OPCML: variants seen among roughly 807,000 people sequenced by gnomAD.
OPCML encodes the protein opioid-binding protein/cell adhesion molecule.
Under a neutral mutation model 37.8 loss-of-function variants are expected in OPCML, and 13 were observed. That is an observed-to-expected ratio of 0.34 (90% confidence interval 0.22 to 0.55). The LOEUF (loss-of-function observed/expected upper bound fraction) is 0.55. Ranked by LOEUF, OPCML falls within the 20% of genes least tolerant of loss-of-function variation. The probability of loss-of-function intolerance (pLI) is 0.91; values close to 1 mark genes in which losing one functional copy is unlikely to be tolerated. For missense variants in OPCML, 341 were observed against 435.6 expected (o/e 0.78, Z 1.93); for synonymous variants, 176 against 168.8 (o/e 1.04, Z -0.33).
chr11:133,493,024 T>C (rs1003136411), intron 1 of OPCML, among the ~76,000 whole-genome samples: 3 of 152,202 alleles, frequency 2.0e-5, no homozygotes, highest in Non-Finnish European at 4.4e-5. Context: ...AAGGACCACC[T>C]GTCAGTCCTT....
intron 1 of OPCML, among the ~76,000 whole-genome samples, chr11:133,415,282 C>T (rs558978246): frequency 4.6e-5 from 7 of 151,302 alleles, no homozygotes; most frequent in South Asian, 4.2e-4. Context: ...TGGTGGCGGG[C>T]GCCTGTAGTC....
intron 3 of OPCML, among the ~76,000 whole-genome samples, chr11:132,628,000 G>C (rs551478490): frequency 6.6e-6 from 1 of 152,182 alleles, no homozygotes; most frequent in Non-Finnish European, 1.5e-5. Context: ...TTTAAATCTA[G>C]GCTGAAATTT....
intron 1 of OPCML, among the ~76,000 whole-genome samples, chr11:133,216,740 A>G (rs1939599575): frequency 6.6e-6 from 1 of 152,240 alleles, no homozygotes; most frequent in Non-Finnish European, 1.5e-5. Context: ...ACTATGGCTT[A>G]TTAACTATCA....
chr11:132,461,567 C>T (rs2136912270), intron 4 of OPCML, among the ~76,000 whole-genome samples: 1 of 152,236 alleles, frequency 6.6e-6, no homozygotes, highest in Admixed American at 6.5e-5. Flanking sequence ...TGGTGTTTCT[C>T]TGATTTCTGT....
intron 2 of OPCML, among the ~76,000 whole-genome samples, chr11:132,864,964 C>T (rs184878547): frequency 5.3e-5 from 8 of 152,336 alleles, no homozygotes; most frequent in South Asian, 2.1e-4. Context: ...GGTGGGAGAG[C>T]GGACAGCGAG....
chr11:133,497,948 C>G (rs1359002243), intron 1 of OPCML, among the ~76,000 whole-genome samples: 1 of 152,232 alleles, frequency 6.6e-6, no homozygotes, highest in Non-Finnish European at 1.5e-5. Context: ...CTGTCAGTTT[C>G]ACGGACCAGG....
chr11:133,327,605 T>G (rs1943505430), intron 1 of OPCML, among the ~76,000 whole-genome samples: 1 of 152,138 alleles, frequency 6.6e-6, no homozygotes, highest in African/African-American at 2.4e-5. Context: ...TCCCTTCTTC[T>G]CTCAATCAGG....
At chr11:133,109,421 CT>C (rs1949217152) in intron 1 of OPCML, among the ~76,000 whole-genome samples, 1 of 152,048 alleles carries the variant, frequency 6.6e-6, no homozygotes, top group Admixed American at 6.5e-5. Context: ...TCAGAGTGCC[CT>C]TTTTTCAATC....
At chr11:132,805,389 C>T (rs1459264621) in intron 2 of OPCML, among the ~76,000 whole-genome samples, 4 of 152,160 alleles carry the variant, frequency 2.6e-5, no homozygotes, top group Admixed American at 6.5e-5. Flanking sequence ...TTTTAAGATA[C>T]AGTGGCAGAG....
At chr11:132,931,140 T>G (rs981670851) in intron 2 of OPCML, among the ~76,000 whole-genome samples, 1 of 150,208 alleles carries the variant, frequency 6.7e-6, no homozygotes, top group African/African-American at 2.5e-5. Context: ...GGACTCATAT[T>G]ACACCATATA....
At chr11:133,204,663 C>G (rs889782144) in intron 1 of OPCML, among the ~76,000 whole-genome samples, 1 of 151,752 alleles carries the variant, frequency 6.6e-6, no homozygotes, top group African/African-American at 2.4e-5. Flanking sequence ...TACAAACACC[C>G]CCTAAAGAGC....
rs2095948982 is a variant in OPCML at position 132,419,223 on chromosome 11, TAGTG to T, written c.*966_*969del. On this transcript the variant is annotated 3_prime_UTR_variant, in exon 8 of 8. Transcript: ENST00000524381. ...AGAGATTCATATGGGGATGAATTGATAGTGAGTAGTAGGGAGAGAATAGAAAGGA... is the reference window on the plus strand; with the variant it reads ...AGAGATTCATATGGGGATGAATTGATAGTAGTAGGGAGAGAATAGAAAGGA... 6.6e-6 allele frequency: 1 copy of T among 152,208 alleles called. No individual in the cohort carries two copies. Among genetic ancestry groups the T allele is most frequent in the Non-Finnish European group, 1.5e-5 (1 of 68,034 alleles). 9.4% of individuals were successfully genotyped at this position (152,208 alleles called of 1,614,324 possible).
At chr11:132,996,661 AT>A (rs200367875) in intron 1 of OPCML, among the ~76,000 whole-genome samples, 10 of 148,656 alleles carry the variant, frequency 6.7e-5, no homozygotes, top group South Asian at 2.1e-4. Flanking sequence ...CTTTCTATGT[AT>A]TTTTTTTTCC....
At chr11:133,026,722 C>A (rs1947561951) in intron 1 of OPCML, among the ~76,000 whole-genome samples, 1 of 152,118 alleles carries the variant, frequency 6.6e-6, no homozygotes, top group Non-Finnish European at 1.5e-5. Context: ...GCAACAGTTG[C>A]CTGCAATCAG....
chr11:133,106,168 T>C (rs986463957), intron 1 of OPCML, among the ~76,000 whole-genome samples: 13 of 152,292 alleles, frequency 8.5e-5, no homozygotes, highest in Non-Finnish European at 5.9e-5. Context: ...CAATAGTGCA[T>C]ATATACCCTC....
intron 2 of OPCML, among the ~76,000 whole-genome samples, chr11:132,659,180 T>G (rs1449352453): frequency 1.3e-5 from 2 of 152,222 alleles, no homozygotes; most frequent in Non-Finnish European, 2.9e-5. Context: ...CTTTTCCTGT[T>G]GCTTTCTTAC....
intron 3 of OPCML, among the ~76,000 whole-genome samples, chr11:132,580,789 G>C (rs10894587): frequency 0.31 from 47,398 of 151,988 alleles, 9,187 homozygotes; most frequent in Non-Finnish European, 0.44. Flanking sequence ...AGTTAAACAT[G>C]GTCCTTGTAT....
At chr11:133,468,439 G>A (rs538720278) in intron 1 of OPCML, among the ~76,000 whole-genome samples, 15 of 152,338 alleles carry the variant, frequency 9.8e-5, no homozygotes, top group Admixed American at 3.3e-4. Context: ...CAGGGAGACT[G>A]TGACTGCTGC....
At chr11:133,161,985 C>CTTTTTTTTTTTTTTTTTTTTTTTT (rs553617547) in intron 1 of OPCML, among the ~76,000 whole-genome samples, 1 of 85,482 alleles carries the variant, frequency 1.2e-5, no homozygotes, top group African/African-American at 4.6e-5. Context: ...CAGTCTCTGT[C>CTTTTTTTTTTTTTTTTTTTTTTTT]TTTTTTTTTT....
Sources: allele counts gnomAD v4.1 joint callset (sites outside exome capture counted in the v4.1 genomes callset), GRCh38; gene constraint gnomAD v4.1.1; transcripts MANE v1.5; gene names NCBI Gene and HGNC (gene_info 2026-07-23, HGNC 2026-07-21).